The following TTC28 variants were observed in gnomAD, a reference collection of about 807,000 sequenced individuals.
TTC28 encodes the protein tetratricopeptide repeat protein 28.
In TTC28, 61 loss-of-function variants were observed where a neutral mutation model predicts 198.0. The ratio of observed to expected loss-of-function variants is 0.31; its 90% CI spans 0.25 to 0.38. TTC28 has a LOEUF of 0.38. Ranked by LOEUF, TTC28 falls within the 10% of genes least tolerant of loss-of-function variation. The pLI is 1.00. For synonymous variants in TTC28, 1,171 were observed against 1,297.8 expected (o/e 0.90, Z 2.10); for missense variants, 2,678 against 3,164.0 (o/e 0.85, Z 3.69).
intron 6 of TTC28, among the ~76,000 whole-genome samples, chr22:28,162,603 C>T (rs149107410): frequency 6.6e-5 from 10 of 152,190 alleles, no homozygotes; most frequent in African/African-American, 9.6e-5. Flanking sequence ...TACAGCACCA[C>T]GATGACAGGA....
intron 2 of TTC28, among the ~76,000 whole-genome samples, chr22:28,386,203 A>T (rs866840050): frequency 1.5e-4 from 19 of 129,314 alleles, no homozygotes; most frequent in Middle Eastern, 4.5e-3. Flanking sequence ...TGAACCCGGG[A>T]GGCGGAGCTT....
At chr22:28,384,492 G>C (rs967625356) in intron 2 of TTC28, among the ~76,000 whole-genome samples, 2 of 152,092 alleles carry the variant, frequency 1.3e-5, no homozygotes, top group Non-Finnish European at 2.9e-5. Context: ...TCCCATACTA[G>C]AACATAAGCT....
Position 27,985,294 on chromosome 22 carries a change from G to A in TTC28, c.5770C>T (p.Arg1924Ter), listed in dbSNP as rs1185391176. ...TGGAGCGCGAAGTGCACAGTCCGTC[G>A]ATTAGCTTGCTTCCCGGTTTTCAGG... ...VILKTGKQAN[R>*]RTVHFALQSL... The change falls in exon 22 of 23, where the codon CGA becomes TGA. Residue 1924 changes from arginine to a stop codon, truncating the protein, a stop_gained. Transcript: ENST00000397906. LOFTEE classifies it low-confidence loss of function (END_TRUNC). The A allele has an allele frequency of 1.9e-6, 3 of 1,551,596 alleles. No homozygotes were observed. Among genetic ancestry groups the A allele is most frequent in the African/African-American group, 1.4e-5 (1 of 73,164 alleles).
chr22:28,597,501 A>G (rs1354963834), intron 2 of TTC28, among the ~76,000 whole-genome samples: 1 of 152,194 alleles, frequency 6.6e-6, no homozygotes, highest in Non-Finnish European at 1.5e-5. Context: ...TTTAAACACA[A>G]TTTCCTAAAC....
chr22:28,176,977 C>G (rs1438668526), intron 5 of TTC28, among the ~76,000 whole-genome samples: 2 of 151,990 alleles, frequency 1.3e-5, no homozygotes, highest in African/African-American at 4.8e-5. Flanking sequence ...TCTACATGAC[C>G]TTTATATATA....
rs139840997 is a variant in TTC28, at chr22:28,577,391, A to G, written c.381+52161T>C. On this transcript the variant is annotated intron_variant, in intron 2 of 22. Coordinates refer to ENST00000397906, the MANE Select transcript of TTC28 (RefSeq NM_001145418.2). Reference sequence around the variant, plus strand: ...TAAGACTTGTTTTGTAGCCTAACATACAGTCTATCCCTGAGAACGATCCAT... The same window carrying G: ...TAAGACTTGTTTTGTAGCCTAACATGCAGTCTATCCCTGAGAACGATCCAT... 6.3e-3 allele frequency among the ~76,000 whole-genome samples: 954 copies of G among 152,260 alleles called. 7 individuals are homozygous for G. Among genetic ancestry groups the G allele is most frequent in the African/African-American group, 0.022 (915 of 41,556 alleles).
At chr22:28,132,878 T>C (rs867726852) in intron 6 of TTC28, among the ~76,000 whole-genome samples, 37 of 152,192 alleles carry the variant, frequency 2.4e-4, no homozygotes, top group African/African-American at 6.5e-4. Flanking sequence ...AAGAACCCTA[T>C]AGACAATGTT....
intron 2 of TTC28, among the ~76,000 whole-genome samples, chr22:28,556,821 C>G (rs925313467): frequency 6.6e-6 from 1 of 152,178 alleles, no homozygotes; most frequent in Non-Finnish European, 1.5e-5. Flanking sequence ...ACTCATGCCT[C>G]ATAAGCTGAT....
chr22:28,006,138 G>C lies in TTC28; in HGVS notation c.4219-4585C>G, dbSNP rs142338403. 3.5e-3 allele frequency among the ~76,000 whole-genome samples: 538 copies of C among 152,254 alleles called. 3 individuals are homozygous for C. The highest frequency in any genetic ancestry group is 0.013 in the African/African-American group (523 of 41,530). On this transcript the variant is annotated intron_variant, in intron 14 of 22. Transcript: ENST00000397906. The stretch of plus-strand genomic sequence containing the variant: ...AGTCTGGGTCAGCCTGCCAAGTCAG[G>C]GTGCTCCCAGCATCTGGAATTGCTA...
At chr22:28,567,217 GAAAAA>G (rs962703897) in intron 2 of TTC28, among the ~76,000 whole-genome samples, 1 of 83,064 alleles carries the variant, frequency 1.2e-5, no homozygotes, top group African/African-American at 4.6e-5. Flanking sequence ...CTCCATCTCG[GAAAAA>G]AAAAAAAAAA....
chr22:28,153,035 G>A (rs1186131242), intron 6 of TTC28, among the ~76,000 whole-genome samples: 1 of 152,030 alleles, frequency 6.6e-6, no homozygotes, highest in East Asian at 1.9e-4. Context: ...GCTAAGGTAC[G>A]ATATGGATGT....
chr22:27,995,196 G>T (rs1228531730), intron 17 of TTC28, among the ~76,000 whole-genome samples: 41 of 152,186 alleles, frequency 2.7e-4, no homozygotes, highest in Non-Finnish European at 1.5e-5. Context: ...TCACTCCCAG[G>T]CTGCATCGAC....
At chr22:28,635,165 C>CA (rs1182996688) in intron 1 of TTC28, among the ~76,000 whole-genome samples, 2 of 151,914 alleles carry the variant, frequency 1.3e-5, no homozygotes, top group East Asian at 3.9e-4. Context: ...ACTAAAAATA[C>CA]AAAAAATTAG....
chr22:28,591,040 CATATATATATAT>C (rs377761638), intron 2 of TTC28, among the ~76,000 whole-genome samples: 75 of 30,724 alleles, frequency 2.4e-3, no homozygotes, highest in African/African-American at 3.2e-3. Flanking sequence ...CACACACACA[CATATATATATAT>C]ATATATATAT....
chr22:28,024,870 A>T (rs1938761816), intron 13 of TTC28, among the ~76,000 whole-genome samples: 1 of 152,212 alleles, frequency 6.6e-6, no homozygotes, highest in Non-Finnish European at 1.5e-5. Context: ...GGTGGATGGC[A>T]GCCATGGCAT....
chr22:28,450,160 G>C (rs1320381362), intron 2 of TTC28, among the ~76,000 whole-genome samples: 1 of 152,102 alleles, frequency 6.6e-6, no homozygotes, highest in Non-Finnish European at 1.5e-5. Context: ...TCATTGACAT[G>C]ATGATGATGA....
At chr22:28,164,153 G>A (rs545923161) in intron 5 of TTC28, among the ~76,000 whole-genome samples, 4 of 152,316 alleles carry the variant, frequency 2.6e-5, no homozygotes, top group African/African-American at 7.2e-5. Context: ...CAGGAAGCTC[G>A]AACTGGCTGG....
rs755484384 is a variant in TTC28 at position 28,108,072 on chromosome 22, C to T, written c.1773G>A (p.Gln591=). The part of the protein sequence containing the change: ...LNIARELRDI[Q]SEARALSNLG... Reference sequence around the variant, plus strand: ...GGTTGCTGAGGGCCCGGGCCTCGCTCTGGATGTCTCGTAGCTCCCGGGCGA... The same window carrying T: ...GGTTGCTGAGGGCCCGGGCCTCGCTTTGGATGTCTCGTAGCTCCCGGGCGA... The change falls in exon 7 of 23, where the codon CAG becomes CAA. Residue 591 remains glutamine, a synonymous_variant. Coordinates refer to ENST00000397906, the MANE Select transcript of TTC28 (RefSeq NM_001145418.2). The T allele has an allele frequency of 4.5e-6, 7 of 1,551,446 alleles. No individual in the cohort carries two copies. The African/African-American group carries it at 9.6e-5, about 21-fold the overall frequency.
chr22:28,138,819 G>A (rs542071445), intron 6 of TTC28, among the ~76,000 whole-genome samples: 4 of 152,164 alleles, frequency 2.6e-5, no homozygotes, highest in Non-Finnish European at 5.9e-5. Flanking sequence ...AAGATCTGAG[G>A]TGGCTTCTAT....
Sources: allele counts gnomAD v4.1 joint callset (sites outside exome capture counted in the v4.1 genomes callset), GRCh38; gene constraint gnomAD v4.1.1; transcripts MANE v1.5; gene names NCBI Gene and HGNC (gene_info 2026-07-23, HGNC 2026-07-21).